Variants in MYOC observed in about 807,000 individuals in gnomAD.
MYOC encodes the protein myocilin.
MYOC carries 29 observed loss-of-function variants against 28.2 expected under a neutral mutation model. That is an observed-to-expected ratio of 1.03 (90% CI 0.77 to 1.40). MYOC has a LOEUF of 1.40. Among genes scored for constraint, MYOC ranks in the 40% most tolerant of loss-of-function variants. MYOC has a pLI of 0.00. For synonymous variants in MYOC, 240 were observed against 245.6 expected, an observed-to-expected ratio of 0.98 and a Z score of 0.21; for missense variants, 569 against 620.6, an observed-to-expected ratio of 0.92 and a Z score of 0.88.
rs751747555 is a variant in MYOC at position 171,652,265 on chromosome 1, C to T, written c.347G>A (p.Gly116Glu). 30 of 1,613,840 alleles carry T rather than the reference C, an allele frequency of 1.9e-5. No homozygotes were observed. Among genetic ancestry groups the T allele is most frequent in the Middle Eastern group, 3.3e-4 (2 of 6,084 alleles). ...CAGGGTGCCCAGCTCCCTCTGCAGC[C>T]CCTCCTGGGTCTCCTGGGGCCTGGC... ...QAARPQETQE[G>E]LQRELGTLRR... The change falls in exon 1 of 3, where the codon GGG becomes GAG. Residue 116 changes from glycine to glutamate, a missense_variant. Transcript: ENST00000037502.
chr1:171,637,468 G>T (rs1402646318), intron 2 of MYOC, among the ~76,000 whole-genome samples: 5 of 152,192 alleles, frequency 3.3e-5, no homozygotes, highest in Non-Finnish European at 7.3e-5. Flanking sequence ...CCAGGCTCAA[G>T]CACCCCTCCC....
intron 1 of MYOC, among the ~76,000 whole-genome samples, chr1:171,645,120 G>A (rs539041192): frequency 6.6e-6 from 1 of 152,302 alleles, no homozygotes; most frequent in South Asian, 2.1e-4. Flanking sequence ...GAGGGACATC[G>A]TGGGAGGAAA....
intron 1 of MYOC, among the ~76,000 whole-genome samples, chr1:171,641,764 T>C (rs1653080830): frequency 6.6e-6 from 1 of 152,192 alleles, no homozygotes; most frequent in South Asian, 2.1e-4. Context: ...CCGCTCAGGA[T>C]TCTCAGGTGT....
intron 1 of MYOC, among the ~76,000 whole-genome samples, chr1:171,650,849 TC>T (rs1283537265): frequency 6.6e-6 from 1 of 152,180 alleles, no homozygotes; most frequent in East Asian, 1.9e-4. Context: ...CAGTCTTTCT[TC>T]AACCATTTGA....
intron 1 of MYOC, among the ~76,000 whole-genome samples, chr1:171,650,616 G>T (rs1653331326): frequency 6.6e-6 from 1 of 152,098 alleles, no homozygotes; most frequent in African/African-American, 2.4e-5. Context: ...CTGGCTCTTA[G>T]GTTTTCTAAC....
intron 1 of MYOC, among the ~76,000 whole-genome samples, chr1:171,648,925 G>A (rs964272402): frequency 1.3e-5 from 2 of 150,874 alleles, no homozygotes; most frequent in African/African-American, 4.8e-5. Context: ...GACCTCAAGT[G>A]ATCTGTCCAC....
intron 2 of MYOC, 40 bp downstream of exon 2, chr1:171,638,557 G>A: frequency 6.2e-7 from 1 of 1,611,322 alleles, no homozygotes; most frequent in East Asian, 2.2e-5. Context: ...CATGAATAAA[G>A]ACCACGTGGG....
At chr1:171,650,376 C>G (rs1477756002) in intron 1 of MYOC, among the ~76,000 whole-genome samples, 1 of 152,226 alleles carries the variant, frequency 6.6e-6, no homozygotes, top group Non-Finnish European at 1.5e-5. Flanking sequence ...AGCTGGGCAA[C>G]CTTGGCCCCT....
intron 1 of MYOC, among the ~76,000 whole-genome samples, chr1:171,646,736 C>T (rs1412764432): frequency 6.6e-6 from 1 of 152,044 alleles, no homozygotes; most frequent in Non-Finnish European, 1.5e-5. Flanking sequence ...ACCTCGTGAT[C>T]CGCCTGCCTC....
chr1:171,638,160 C>T (rs1652972804), intron 2 of MYOC, among the ~76,000 whole-genome samples: 1 of 152,088 alleles, frequency 6.6e-6, no homozygotes, highest in Non-Finnish European at 1.5e-5. Context: ...TCCTAAGTGG[C>T]CAAAGTTCAG....
At chr1:171,645,387 C>G (rs561163752) in intron 1 of MYOC, among the ~76,000 whole-genome samples, 17 of 152,152 alleles carry the variant, frequency 1.1e-4, no homozygotes, top group Non-Finnish European at 2.5e-4. Context: ...GGTTGCCCTC[C>G]TCACCTGCAC....
At chr1:171,650,940 C>T (rs138427158) in intron 1 of MYOC, among the ~76,000 whole-genome samples, 67 of 152,302 alleles carry the variant, frequency 4.4e-4, no homozygotes, top group African/African-American at 1.6e-3. Context: ...TTATCCTTCG[C>T]AACCACAGTA....
chr1:171,642,361 C>G (rs977706120), intron 1 of MYOC, among the ~76,000 whole-genome samples: 18 of 152,244 alleles, frequency 1.2e-4, no homozygotes, highest in Admixed American at 1.1e-3. Flanking sequence ...GCCTGTAAAC[C>G]CAGCACTTTG....
In MYOC at chr1:171,635,730, T is replaced by A; in HGVS notation, c.*195A>T. The A allele has an allele frequency of 1.6e-6, 1 of 615,456 alleles. No individual in the cohort carries two copies. Among genetic ancestry groups the A allele is most frequent in the South Asian group, 2.0e-5 (1 of 51,118 alleles). 38.1% of individuals were successfully genotyped at this position (615,456 alleles called of 1,614,324 possible). ...CAGAAGATAAAGGATATTTATTATA[T>A]GAAATTGTCTACGCCCTCAGACTAC... On this transcript the variant is annotated 3_prime_UTR_variant, in exon 3 of 3. Coordinates refer to ENST00000037502, the MANE Select transcript of MYOC (RefSeq NM_000261.2).
Position 171,635,856 on chromosome 1 carries a change from C to CA in MYOC, c.*68_*69insT. 1.9e-6 allele frequency: 3 copies of CA among 1,570,404 alleles called. No homozygotes were observed. The highest frequency in any genetic ancestry group is 2.6e-6 in the Non-Finnish European group (3 of 1,150,212). On this transcript the variant is annotated 3_prime_UTR_variant, in exon 3 of 3. Coordinates refer to ENST00000037502, the MANE Select transcript of MYOC (RefSeq NM_000261.2). ...CTGGGCCCTGGCTGGCTGGCTCTCC[C>CA]TTCAGCCTGCTCCCCCCAGGAGCCC... is the stretch of plus-strand genomic sequence containing the variant.
At chr1:171,641,695 T>C (rs569794187) in intron 1 of MYOC, among the ~76,000 whole-genome samples, 1 of 152,348 alleles carries the variant, frequency 6.6e-6, no homozygotes, top group Non-Finnish European at 1.5e-5. Flanking sequence ...CTTAATACAC[T>C]GGGCTTTTCT....
In MYOC at chr1:171,635,919, G is replaced by T; in HGVS notation, c.*6C>A. On this transcript the variant is annotated 3_prime_UTR_variant, in exon 3 of 3. Coordinates refer to ENST00000037502, the MANE Select transcript of MYOC (RefSeq NM_000261.2). ...TCTGCCATTGCCTGTACAGCTTGGA[G>T]GCTTTTCACATCTTGGAGAGCTTGA... The T allele has an allele frequency of 3.1e-6, 5 of 1,614,008 alleles. No homozygotes were observed. The highest frequency in any genetic ancestry group is 4.2e-6 in the Non-Finnish European group (5 of 1,179,996).
At chr1:171,648,443 C>A (rs1422897148) in intron 1 of MYOC, among the ~76,000 whole-genome samples, 1 of 151,952 alleles carries the variant, frequency 6.6e-6, no homozygotes, top group Non-Finnish European at 1.5e-5. Flanking sequence ...GTCTCACTTT[C>A]CCCTGTCTCA....
In MYOC at chr1:171,636,717, A is replaced by G. The variant is rs1423815699; in HGVS notation, c.731-8T>C. 52 of 1,600,360 alleles carry G rather than the reference A, an allele frequency of 3.2e-5. No individual in the cohort carries two copies. Among genetic ancestry groups the G allele is most frequent in the Non-Finnish European group, 3.6e-5 (42 of 1,179,890 alleles). On this transcript the variant is annotated splice_region_variant and splice_polypyrimidine_tract_variant and intron_variant, in intron 2 of 2. Transcript: ENST00000037502. ...AAACTAGTTCTCCACATCCTGGTAA[A>G]TTCAGAAAAGAAAACGAAGCACCAC...
Sources: allele counts gnomAD v4.1 joint callset (sites outside exome capture counted in the v4.1 genomes callset), GRCh38; gene constraint gnomAD v4.1.1; transcripts MANE v1.5; gene names NCBI Gene and HGNC (gene_info 2026-07-23, HGNC 2026-07-21).